DNAH9: variants seen among roughly 807,000 people sequenced by gnomAD.
The protein encoded by DNAH9 is DNAH9 variant protein.
DNAH9 carries 345 observed loss-of-function variants against 471.6 expected under a neutral mutation model. The observed-to-expected ratio is 0.73, with a 90% CI of 0.67 to 0.80. The LOEUF (loss-of-function observed/expected upper bound fraction) is 0.80, where lower values mean the gene tolerates loss of function less well. Among genes scored for constraint, DNAH9 ranks in the 30% least tolerant of loss-of-function variants. The pLI, the probability that DNAH9 is intolerant of heterozygous loss-of-function variation, is 0.00. For missense variants in DNAH9, 5,407 were observed against 5,609.2 expected, an observed-to-expected ratio of 0.96 and a Z score of 1.15; for synonymous variants, 2,093 against 2,123.6, an observed-to-expected ratio of 0.99 and a Z score of 0.40.
intron 7 of DNAH9, 51 bp from the exon 8 acceptor site, chr17:11,632,536 T>C (rs746500659): frequency 3.0e-5 from 26 of 869,406 alleles, no homozygotes; most frequent in Admixed American, 1.1e-4. Context: ...CATAGTGGGG[T>C]TGGCTTACAG....
intron 26 of DNAH9, 44 bp downstream of exon 26, chr17:11,705,229 T>A: frequency 6.3e-7 from 1 of 1,579,496 alleles, no homozygotes; most frequent in Non-Finnish European, 8.7e-7. Context: ...TGCTGTCTGG[T>A]TCAGGCCAGC....
chr17:11,749,425 C>A lies in DNAH9; in HGVS notation c.6610+1659C>A, dbSNP rs543675834. 7.2e-5 allele frequency among the ~76,000 whole-genome samples: 11 copies of A among 152,178 alleles called. No individual in the cohort carries two copies. The East Asian group carries it at 2.1e-3, about 29-fold the overall frequency. ...TATATCAAAGATATTAACCCCTTAT[C>A]TGTCACATGCATTGCTAATGCTTCC... On this transcript the variant is annotated intron_variant, in intron 32 of 68. Transcript: ENST00000262442.
Position 11,797,629 on chromosome 17 carries a change from C to A in DNAH9, c.8256C>A (p.Ser2752Arg). Residue 2752 changes from serine (S) to arginine (R), a missense_variant, in exon 43 of 69, where the codon AGC (serine) becomes AGA (arginine). Ser to Arg is a moderately radical substitution (Grantham distance 110). This residue lies in a region of DNAH9 where 4,636 missense variants were observed against 4,900.3 expected (regional missense o/e 0.95). Transcript: ENST00000262442. The part of the protein sequence containing the change: ...DIEDPVEQTQ[S>R]PNLYCHFANG... ...AAGACCCTGTGGAGCAGACCCAAAGCCCGAACCTGTATTGTCACTTTGCAA... is the reference window on the plus strand; with the variant it reads ...AAGACCCTGTGGAGCAGACCCAAAGACCGAACCTGTATTGTCACTTTGCAA... 1 of 1,613,908 alleles carries A rather than the reference C, an allele frequency of 6.2e-7. No homozygotes were observed. Among genetic ancestry groups the A allele is most frequent in the Non-Finnish European group, 8.5e-7 (1 of 1,179,984 alleles).
chr17:11,612,237 C>A, intron 4 of DNAH9: 1 of 284,560 alleles, frequency 3.5e-6, no homozygotes, highest in South Asian at 5.3e-5. Context: ...GTCCATCTGT[C>A]CTAATCAAGG....
chr17:11,640,235 A>T, intron 9 of DNAH9, 35 bp from the exon 10 acceptor site: 1 of 1,350,576 alleles, frequency 7.4e-7, no homozygotes, highest in Non-Finnish European at 1.1e-6. Flanking sequence ...GAGGTGCTCT[A>T]GACTCATTTC....
chr17:11,942,113 A>G (rs72815463), intron 66 of DNAH9, among the ~76,000 whole-genome samples, 190 bp from the exon 67 acceptor site: 2,853 of 152,286 alleles, frequency 0.019, 43 homozygotes, highest in East Asian at 0.036. Context: ...AAGAGGTCCT[A>G]CTGTGGTCAG....
chr17:11,719,687 C>A lies in DNAH9; in HGVS notation c.5709+197C>A, dbSNP rs138816582. Among the ~76,000 whole-genome samples the A allele has an allele frequency of 3.3e-5, 5 of 152,260 alleles. No homozygotes were observed. The East Asian group carries it at 9.7e-4, about 29-fold the overall frequency. ...GGAGTTTTTTGGCCTCCCTATAAGG[C>A]TTTCATGTGATGAGGAAGCACAGCC... On this transcript the variant is annotated intron_variant, in intron 27 of 68. Coordinates refer to ENST00000262442, the MANE Select transcript of DNAH9 (RefSeq NM_001372.4).
intron 65 of DNAH9, among the ~76,000 whole-genome samples, chr17:11,934,817 C>T (rs983293170): frequency 1.3e-5 from 2 of 152,102 alleles, no homozygotes; most frequent in African/African-American, 4.8e-5. Flanking sequence ...GGTAAAGTTT[C>T]TGTGGGTGAT....
chr17:11,812,004 AAAAAAAAAAAAAAAAAAAAAAAAT>A (rs1294345477), intron 45 of DNAH9, among the ~76,000 whole-genome samples: 5 of 44,546 alleles, frequency 1.1e-4, no homozygotes, highest in African/African-American at 5.2e-4. Flanking sequence ...AAAAAAAAAA[AAAAAAAAAAAAAAAAAAAAAAAAT>A]ATATATATAT....
At chr17:11,851,503 T>C (rs1269874600) in intron 49 of DNAH9, among the ~76,000 whole-genome samples, 1 of 152,106 alleles carries the variant, frequency 6.6e-6, no homozygotes, top group African/African-American at 2.4e-5. Flanking sequence ...GAGGTGGCAA[T>C]GAGCTTGGCA....
At chr17:11,673,994 TTC>T (rs766796067) in intron 17 of DNAH9, among the ~76,000 whole-genome samples, 2 of 152,248 alleles carry the variant, frequency 1.3e-5, no homozygotes, top group Non-Finnish European at 2.9e-5. Flanking sequence ...TGTGTTCTAT[TTC>T]TTTCACTCAG....
intron 15 of DNAH9, among the ~76,000 whole-genome samples, chr17:11,667,877 G>GCT (rs1430342243): frequency 6.6e-6 from 1 of 152,190 alleles, no homozygotes. Flanking sequence ...TGCAAGCAAG[G>GCT]CTGGGAAATC....
chr17:11,717,223 A>C (rs1167795780), intron 26 of DNAH9, among the ~76,000 whole-genome samples: 1 of 152,172 alleles, frequency 6.6e-6, no homozygotes, highest in Non-Finnish European at 1.5e-5. Flanking sequence ...AGAAAAAGGG[A>C]ACTTAAAGAC....
intron 17 of DNAH9, 85 bp downstream of exon 17, chr17:11,669,879 A>T: frequency 8.5e-7 from 1 of 1,172,774 alleles, no homozygotes; most frequent in African/African-American, 1.5e-5. Flanking sequence ...TTTTTTCCCC[A>T]TGGGTATGTT....
chr17:11,812,453 TC>T (rs1969961992), intron 45 of DNAH9, among the ~76,000 whole-genome samples: 1 of 152,134 alleles, frequency 6.6e-6, no homozygotes, highest in Non-Finnish European at 1.5e-5. Flanking sequence ...TTAGGATAGT[TC>T]CTGACAACCT....
At chr17:11,762,972 G>A (rs1460269601) in intron 35 of DNAH9, among the ~76,000 whole-genome samples, 2 of 151,614 alleles carry the variant, frequency 1.3e-5, no homozygotes, top group Admixed American at 6.6e-5. Flanking sequence ...GTAGAGACGG[G>A]GTTTCACCAT....
chr17:11,607,695 G>A (rs926517274), intron 1 of DNAH9, among the ~76,000 whole-genome samples: 10 of 151,970 alleles, frequency 6.6e-5, no homozygotes, highest in Non-Finnish European at 1.3e-4. Context: ...TCAACCTCCC[G>A]AGTAGCTGTG....
intron 53 of DNAH9, among the ~76,000 whole-genome samples, chr17:11,879,779 G>A (rs1972641820): frequency 6.6e-6 from 1 of 151,980 alleles, no homozygotes; most frequent in African/African-American, 2.4e-5. Flanking sequence ...TACTCTCAAA[G>A]CTAAACTTGA....
intron 12 of DNAH9, among the ~76,000 whole-genome samples, chr17:11,648,139 TC>T (rs1373845009): frequency 6.6e-6 from 1 of 152,194 alleles, no homozygotes; most frequent in Non-Finnish European, 1.5e-5. Context: ...ACTGTATTGG[TC>T]ACACTAAGCT....
Sources: gnomAD v4.1 joint callset for allele counts (sites outside exome capture counted in the v4.1 genomes callset) on GRCh38, gnomAD v4.1.1 for gene constraint, gnomAD v4.1.1 regional missense constraint, MANE v1.5 for transcripts, NCBI Gene and HGNC (gene_info 2026-07-23, HGNC 2026-07-21) for gene names.